The following AKAP8 variants were observed in gnomAD, a reference collection of about 807,000 sequenced individuals.
AKAP8 encodes the protein A-kinase anchor protein 8.
AKAP8 carries 24 observed loss-of-function variants against 67.5 expected under a neutral mutation model. The observed-to-expected ratio is 0.36, with a 90% confidence interval of 0.26 to 0.50. The LOEUF (loss-of-function observed/expected upper bound fraction) is 0.50, where lower values mean the gene tolerates loss of function less well. Among genes scored for constraint, AKAP8 ranks in the 20% least tolerant of loss-of-function variants. The probability of loss-of-function intolerance (pLI) is 0.97; values close to 1 mark genes in which losing one functional copy is unlikely to be tolerated. For synonymous variants in AKAP8, 400 were observed against 371.1 expected (o/e 1.08, Z -0.90); for missense variants, 971 against 955.9 (o/e 1.02, Z -0.21).
chr19:15,356,784 A>C (rs927248439), intron 13 of AKAP8, among the ~76,000 whole-genome samples: 2 of 152,174 alleles, frequency 1.3e-5, no homozygotes, highest in African/African-American at 4.8e-5. Context: ...AGGCGGGAGG[A>C]TCACTTGAGG....
chr19:15,363,596 G>A (rs1304952108), intron 9 of AKAP8, among the ~76,000 whole-genome samples: 11 of 148,964 alleles, frequency 7.4e-5, no homozygotes, highest in East Asian at 6.2e-4. Flanking sequence ...GCCTCTGCCC[G>A]GCCGCCCCTA....
In AKAP8 at chr19:15,368,297, A is replaced by G; in HGVS notation, c.1098T>C (p.Asp366=). The G allele has an allele frequency of 1.2e-6, 2 of 1,613,586 alleles. No individual in the cohort carries two copies. The highest frequency in any genetic ancestry group is 8.5e-7 in the Non-Finnish European group (1 of 1,179,946). ...TTTGCTTTTCCCTTCTCTTCTTCAC[A>G]TCCTCGTCCTCGTCCTCCTTCTCTC... ...QRGEKEDEDE[D]VKKRREKQRR... is the part of the protein sequence containing the mutation. The change falls in exon 9 of 14, where the codon GAT becomes GAC. Residue 366 remains aspartate, a synonymous_variant. Transcript: ENST00000269701.
intron 13 of AKAP8, among the ~76,000 whole-genome samples, chr19:15,356,261 C>T (rs558889035): frequency 4.0e-5 from 6 of 151,612 alleles, no homozygotes; most frequent in South Asian, 2.1e-4. Context: ...AAAAATTAGC[C>T]GGGCATGGTG....
chr19:15,362,332 G>A (rs755036440), intron 9 of AKAP8, 81 bp from the exon 10 acceptor site: 8 of 1,504,122 alleles, frequency 5.3e-6, no homozygotes, highest in Admixed American at 3.7e-5. Flanking sequence ...CCTCTGAGGA[G>A]AGCTGAAATA....
chr19:15,364,679 G>A (rs1336978571), intron 9 of AKAP8, among the ~76,000 whole-genome samples: 1 of 150,984 alleles, frequency 6.6e-6, no homozygotes, highest in African/African-American at 2.4e-5. Context: ...AGTAGAGACA[G>A]GGTTTCACCA....
rs969928262 is a variant in AKAP8 at position 15,371,491 on chromosome 19, CT to C, written c.1038+460del. On this transcript the variant is annotated intron_variant, in intron 7 of 13. Transcript: ENST00000269701. ...AGGAATGTTTGTTGTAAGTTGAAAA[CT>C]TTTTTTTTTTTTTTGAGACGGAGTC... Among the ~76,000 whole-genome samples the C allele has an allele frequency of 6.5e-3, 936 of 143,790 alleles. 4 individuals carry two copies. Among genetic ancestry groups the C allele is most frequent in the African/African-American group, 0.013 (528 of 39,426 alleles). The allele number at this position is 143,790 out of a possible 152,430, so 94.3% of individuals were successfully genotyped here.
intron 1 of AKAP8, 91 bp downstream of exon 1, chr19:15,379,622 C>T: frequency 4.1e-6 from 6 of 1,472,590 alleles, no homozygotes; most frequent in Non-Finnish European, 4.6e-6. Context: ...ACGCTCGGGA[C>T]GAAGGCCCGG....
intron 13 of AKAP8, among the ~76,000 whole-genome samples, chr19:15,358,394 A>C: frequency 1.3e-5 from 2 of 149,530 alleles, no homozygotes; most frequent in African/African-American, 4.9e-5. Context: ...TCACTCTGTC[A>C]CCTGGGCTGG....
At chr19:15,361,641 C>T (rs760606984) in intron 11 of AKAP8, 88 bp downstream of exon 11, 76 of 1,216,058 alleles carry the variant, frequency 6.2e-5, no homozygotes, top group Middle Eastern at 1.9e-4. Context: ...TGTGAGCCAC[C>T]GTGCCCGGCC....
In AKAP8 at chr19:15,355,240, G is replaced by T; in HGVS notation, c.1754C>A (p.Ala585Glu). The change falls in exon 14 of 14, where the codon GCA (alanine) becomes GAA (glutamate). Residue 585 changes from alanine to glutamate, a missense_variant. Transcript: ENST00000269701. ...TCCTTCCCCATCTACGGCCCTCACT[G>T]CTGCTGTAATCACCTCTGCTAAGAC... ...ADVLAEVITA[A>E]VRAVDGEGAP... 6.2e-7 allele frequency: 1 copy of T among 1,611,796 alleles called. No homozygotes were observed.
chr19:15,354,910 G>A lies in AKAP8; in HGVS notation c.*5C>T. On this transcript the variant is annotated 3_prime_UTR_variant, in exon 14 of 14. Transcript: ENST00000269701. ...AACGCCTTCCCTGGAACAGGGAAAT[G>A]AGCATCATTCTGTGGGAACAGCGTC... 2 of 1,612,374 alleles carry A rather than the reference G, an allele frequency of 1.2e-6. No individual in the cohort carries two copies. The highest frequency in any genetic ancestry group is 1.1e-5 in the South Asian group (1 of 91,062).
intron 13 of AKAP8, among the ~76,000 whole-genome samples, chr19:15,357,428 C>CAA (rs59205660): frequency 6.6e-4 from 27 of 40,730 alleles, no homozygotes; most frequent in South Asian, 1.5e-3. Context: ...GACTCCATCT[C>CAA]AAAAAAAAAA....
chr19:15,375,051 C>A (rs1443644566), intron 2 of AKAP8, among the ~76,000 whole-genome samples: 1 of 152,150 alleles, frequency 6.6e-6, no homozygotes, highest in East Asian at 1.9e-4. Flanking sequence ...TCAACTCAAG[C>A]GAAAAAGAGG....
At chr19:15,376,482 C>T (rs1165934626) in intron 2 of AKAP8, among the ~76,000 whole-genome samples, 1 of 151,214 alleles carries the variant, frequency 6.6e-6, no homozygotes, top group Non-Finnish European at 1.5e-5. Flanking sequence ...GACTCTGTAT[C>T]AAAAGAAAAA....
chr19:15,376,824 A>G, intron 2 of AKAP8, 152 bp downstream of exon 2: 1 of 850,710 alleles, frequency 1.2e-6, no homozygotes, highest in South Asian at 1.7e-5. Flanking sequence ...TGGAGCCCAT[A>G]AAGCCACAAA....
At chr19:15,367,070 G>A (rs1186515155) in intron 9 of AKAP8, among the ~76,000 whole-genome samples, 1 of 152,134 alleles carries the variant, frequency 6.6e-6, no homozygotes, top group South Asian at 2.1e-4. Flanking sequence ...ACCATGCCTG[G>A]CTAATTTTTG....
At chr19:15,370,697 T>A (rs1233010875) in intron 7 of AKAP8, among the ~76,000 whole-genome samples, 1 of 121,708 alleles carries the variant, frequency 8.2e-6, no homozygotes, top group Non-Finnish European at 1.6e-5. Context: ...AATGATGCAA[T>A]CTCAGCTCAC....
chr19:15,378,497 A>G (rs1967297246), intron 1 of AKAP8, among the ~76,000 whole-genome samples: 2 of 152,210 alleles, frequency 1.3e-5, no homozygotes, highest in Admixed American at 1.3e-4. Context: ...ACCTGCAGAA[A>G]AGATCTGATG....
In AKAP8 at chr19:15,354,751, C is replaced by G; in HGVS notation, c.*164G>C. Reference sequence around the variant, plus strand: ...CAAGAAGCCACACGACTGCATGAGACAAGCCGTGAGAGGCACTGCTCAGGA... The same window carrying G: ...CAAGAAGCCACACGACTGCATGAGAGAAGCCGTGAGAGGCACTGCTCAGGA... On this transcript the variant is annotated 3_prime_UTR_variant, in exon 14 of 14. Coordinates refer to ENST00000269701, the MANE Select transcript of AKAP8 (RefSeq NM_005858.4). 2 of 747,260 alleles carry G rather than the reference C, an allele frequency of 2.7e-6. No individual in the cohort carries two copies. The highest frequency in any genetic ancestry group is 4.3e-6 in the Non-Finnish European group (2 of 468,616). 46.3% of individuals were successfully genotyped at this position (747,260 alleles called of 1,614,324 possible).
Sources: allele counts gnomAD v4.1 joint callset (sites outside exome capture counted in the v4.1 genomes callset), GRCh38; gene constraint gnomAD v4.1.1; transcripts MANE v1.5; gene names NCBI Gene and HGNC (gene_info 2026-07-23, HGNC 2026-07-21).